ATF1: variants seen among roughly 807,000 people sequenced by gnomAD.
The protein encoded by ATF1 is activating transcription factor 1.
ATF1 carries 16 observed loss-of-function variants against 34.7 expected under a neutral mutation model. The observed-to-expected ratio is 0.46, with a 90% CI of 0.31 to 0.70. The LOEUF (loss-of-function observed/expected upper bound fraction) is 0.70, where lower values mean the gene tolerates loss of function less well. Among genes scored for constraint, ATF1 ranks in the 30% least tolerant of loss-of-function variants. The pLI is 0.05. For missense variants in ATF1, 255 were observed against 321.6 expected (o/e 0.79, Z 1.58); for synonymous variants, 105 against 113.1 (o/e 0.93, Z 0.46).
chr12:50,768,450 T>C (rs1243885521), intron 1 of ATF1, among the ~76,000 whole-genome samples: 6 of 152,238 alleles, frequency 3.9e-5, no homozygotes, highest in Non-Finnish European at 1.5e-5. Flanking sequence ...TCTAACAGCC[T>C]GGACTCCTTG....
intron 4 of ATF1, among the ~76,000 whole-genome samples, chr12:50,810,060 TG>T (rs1941702824): frequency 6.6e-6 from 1 of 151,308 alleles, no homozygotes; most frequent in South Asian, 2.1e-4. Flanking sequence ...TCTCGAACTT[TG>T]ACCTCAGGTG....
At chr12:50,817,270 C>G (rs1941862454) in intron 6 of ATF1, among the ~76,000 whole-genome samples, 1 of 151,804 alleles carries the variant, frequency 6.6e-6, no homozygotes, top group Admixed American at 6.6e-5. Flanking sequence ...TGAGCCTAAA[C>G]ATAAAAATGG....
intron 1 of ATF1, among the ~76,000 whole-genome samples, chr12:50,773,095 T>C (rs1436979911): frequency 6.6e-6 from 1 of 152,224 alleles, no homozygotes; most frequent in Admixed American, 6.5e-5. Context: ...CAGAGGACAT[T>C]ATCTCTTTCC....
intron 2 of ATF1, among the ~76,000 whole-genome samples, chr12:50,785,526 C>T (rs1449428336): frequency 6.6e-6 from 1 of 152,134 alleles, no homozygotes. Flanking sequence ...AAACAACACA[C>T]ATTTATTATC....
At chr12:50,810,379 G>GCCCA (rs1941711796) in intron 4 of ATF1, among the ~76,000 whole-genome samples, 1 of 151,332 alleles carries the variant, frequency 6.6e-6, no homozygotes, top group Non-Finnish European at 1.5e-5. Flanking sequence ...CACTTCGCTT[G>GCCCA]GCTAATTTTT....
At chr12:50,799,149 CT>C in intron 3 of ATF1, among the ~76,000 whole-genome samples, 1 of 152,258 alleles carries the variant, frequency 6.6e-6, no homozygotes, top group East Asian at 1.9e-4. Flanking sequence ...CTTTGGGAGG[CT>C]GAGGTGGGAG....
At chr12:50,802,871 C>CAAAAAAAAAA (rs71443203) in intron 3 of ATF1, among the ~76,000 whole-genome samples, 1 of 46,910 alleles carries the variant, frequency 2.1e-5, no homozygotes, top group African/African-American at 1.0e-4. Context: ...GACTCCATCT[C>CAAAAAAAAAA]AAAAAAAAAA....
rs980637982 is a variant in ATF1, at chr12:50,820,034, A to C, written c.*255A>C. The C allele has an allele frequency of 4.4e-5, 13 of 297,926 alleles. No homozygotes were observed. The highest frequency in any genetic ancestry group is 2.8e-4 in the African/African-American group (13 of 46,464). The allele number at this position is 297,926 out of a possible 1,614,324, so 18.5% of individuals were successfully genotyped here. On this transcript the variant is annotated 3_prime_UTR_variant, in exon 7 of 7. Transcript: ENST00000262053. ...GCAAGAAATGAACTTTCAGCAGTCT[A>C]AATTTTCTAAATAACCAATAGTTGC...
At chr12:50,773,767 T>A (rs1356506689) in intron 1 of ATF1, among the ~76,000 whole-genome samples, 1 of 151,680 alleles carries the variant, frequency 6.6e-6, no homozygotes, top group Admixed American at 6.6e-5. Flanking sequence ...TTTTTGTATT[T>A]TTAGTAGAAA....
rs1209256032 is a variant in ATF1, at chr12:50,820,178, G to GTA, written c.*400_*401insAT. The GTA allele has an allele frequency of 9.4e-6, 2 of 213,108 alleles. No homozygotes were observed. The highest frequency in any genetic ancestry group is 1.9e-5 in the Non-Finnish European group (2 of 105,986). The allele number at this position is 213,108 out of a possible 1,614,324, so 13.2% of individuals were successfully genotyped here. A position where few individuals can be genotyped will look rare whatever the true frequency, so the allele number is the denominator to read the frequency against. On this transcript the variant is annotated 3_prime_UTR_variant, in exon 7 of 7. Coordinates refer to ENST00000262053, the MANE Select transcript of ATF1 (RefSeq NM_005171.5). ...TACCTTTTTTTAGTTATATATATGTGTGTGTGTGTGTGTAATTTCTGCCAA... is the reference window on the plus strand; with the variant it reads ...TACCTTTTTTTAGTTATATATATGTGTATGTGTGTGTGTGTAATTTCTGCCAA...
chr12:50,788,489 T>C (rs1941234457), intron 2 of ATF1, among the ~76,000 whole-genome samples: 1 of 138,986 alleles, frequency 7.2e-6, no homozygotes, highest in African/African-American at 2.8e-5. Context: ...CCTGGCCCTG[T>C]TTTTTTTTTT....
At chr12:50,796,386 C>T (rs1488926056) in intron 3 of ATF1, among the ~76,000 whole-genome samples, 4 of 152,098 alleles carry the variant, frequency 2.6e-5, no homozygotes. Context: ...AGAGCAAGAT[C>T]CTGTCTCCAA....
chr12:50,809,392 A>T, intron 3 of ATF1, 64 bp from the exon 4 acceptor site: 7 of 1,300,832 alleles, frequency 5.4e-6, no homozygotes, highest in Non-Finnish European at 7.4e-6. Flanking sequence ...AAAAAAAAAA[A>T]AAATTATTTT....
In ATF1 at chr12:50,814,417, GAA is replaced by G; in HGVS notation, c.651_652del (p.Glu217AspfsTer36). 1 of 1,613,986 alleles carries G rather than the reference GAA, an allele frequency of 6.2e-7. No individual in the cohort carries two copies. Among genetic ancestry groups the G allele is most frequent in the South Asian group, 1.1e-5 (1 of 91,058 alleles). ...TKTDDPQLKREIRLMKNREAA... is the reference protein window; with the variant it reads ...TKTDDPQLKRXIRLMKNREAA... Reference sequence around the variant, plus strand: ...GACAGATGACCCCCAATTGAAAAGAGAAATAAGGTTAATGAAAAACAGGTAGG... The same window carrying G: ...GACAGATGACCCCCAATTGAAAAGAGATAAGGTTAATGAAAAACAGGTAGG... On this transcript the variant is annotated frameshift_variant, in exon 6 of 7. Transcript: ENST00000262053. LOFTEE classifies it high-confidence loss of function.
chr12:50,786,967 G>T (rs2139659232), intron 2 of ATF1, among the ~76,000 whole-genome samples: 1 of 152,242 alleles, frequency 6.6e-6, no homozygotes, highest in South Asian at 2.1e-4. Flanking sequence ...TGACATACCA[G>T]CCCCACCCTA....
Position 50,814,469 on chromosome 12 carries a change from G to A in ATF1, c.671+30G>A, listed in dbSNP as rs757530629. ...GTAGTAAAATCGTAGTACCAGAATG[G>A]GTAATGTTTTTACAAATCTCACAAC... On this transcript the variant is annotated intron_variant, in intron 6 of 6. Transcript: ENST00000262053. The A allele has an allele frequency of 3.7e-6, 6 of 1,600,252 alleles. No homozygotes were observed. The Admixed American group carries it at 6.7e-5, about 18-fold the overall frequency.
Position 50,784,121 on chromosome 12 carries a change from C to G in ATF1, c.93+3883C>G, listed in dbSNP as rs139893876. On this transcript the variant is annotated intron_variant, in intron 2 of 6. Transcript: ENST00000262053. ...AAGGCTGCAGTGAGCCGTGATTGCA[C>G]CATTGCACTCCAGGCTGGGTCACAG... Among the ~76,000 whole-genome samples, 1,137 of 151,974 alleles carry G rather than the reference C, an allele frequency of 7.5e-3. 28 individuals are homozygous for G. Among genetic ancestry groups the G allele is most frequent in the South Asian group, 0.058 (280 of 4,810 alleles).
chr12:50,798,957 C>T lies in ATF1; in HGVS notation c.194+2948C>T, dbSNP rs1941463751. Among the ~76,000 whole-genome samples, 3 of 152,328 alleles carry T rather than the reference C, an allele frequency of 2.0e-5. No homozygotes were observed. The South Asian group carries it at 6.2e-4, about 32-fold the overall frequency. On this transcript the variant is annotated intron_variant, in intron 3 of 6. Coordinates refer to ENST00000262053, the MANE Select transcript of ATF1 (RefSeq NM_005171.5). ...CATTGCCCAAATTCTAGACTGGCCA[C>T]TACCTGGTGCACATGTGTAATAGAT... is the stretch of plus-strand genomic sequence containing the variant.
At chr12:50,793,407 C>T (rs1056513500) in intron 2 of ATF1, among the ~76,000 whole-genome samples, 4 of 152,054 alleles carry the variant, frequency 2.6e-5, no homozygotes, top group Non-Finnish European at 2.9e-5. Flanking sequence ...GGGCGGATCA[C>T]GAGGTCAGGA....
Sources: gnomAD v4.1 joint callset for allele counts (sites outside exome capture counted in the v4.1 genomes callset) on GRCh38, gnomAD v4.1.1 for gene constraint, MANE v1.5 for transcripts, NCBI Gene and HGNC (gene_info 2026-07-23, HGNC 2026-07-21) for gene names.